PTPN14: variants seen among roughly 807,000 people sequenced by gnomAD.
The protein encoded by PTPN14 is protein tyrosine phosphatase non-receptor type 14.
A neutral mutation model predicts 126.8 loss-of-function variants in PTPN14; 53 were observed. That is an observed-to-expected ratio of 0.42 (90% CI 0.34 to 0.53). The LOEUF (loss-of-function observed/expected upper bound fraction) is 0.53, where lower values mean the gene tolerates loss of function less well. Among genes scored for constraint, PTPN14 ranks in the 20% least tolerant of loss-of-function variants. The probability of loss-of-function intolerance (pLI) is 0.08; values close to 1 mark genes in which losing one functional copy is unlikely to be tolerated. For missense variants in PTPN14, 1,257 were observed against 1,552.9 expected (o/e 0.81, Z 3.20); for synonymous variants, 630 against 599.3 (o/e 1.05, Z -0.75).
chr1:214,492,907 A>T (rs1347519991), intron 1 of PTPN14, among the ~76,000 whole-genome samples: 1 of 152,098 alleles, frequency 6.6e-6, no homozygotes, highest in African/African-American at 2.4e-5. Context: ...CAAAGAAAAA[A>T]AAAAAAAAAA....
At chr1:214,514,789 G>C (rs1332471700) in intron 1 of PTPN14, among the ~76,000 whole-genome samples, 1 of 152,164 alleles carries the variant, frequency 6.6e-6, no homozygotes, top group Non-Finnish European at 1.5e-5. Flanking sequence ...GAGACTTGCA[G>C]TGTGCCCTCC....
intron 1 of PTPN14, among the ~76,000 whole-genome samples, chr1:214,475,729 A>G (rs1660853020): frequency 6.6e-6 from 1 of 151,980 alleles, no homozygotes. Context: ...GCTGAGCACA[A>G]TCTCAACACC....
chr1:214,392,065 G>A (rs576426092), intron 10 of PTPN14, among the ~76,000 whole-genome samples: 7 of 152,176 alleles, frequency 4.6e-5, no homozygotes, highest in Non-Finnish European at 1.0e-4. Context: ...GAAGGATGCT[G>A]CTGTGCATGC....
At chr1:214,443,648 A>C (rs575195649) in intron 3 of PTPN14, among the ~76,000 whole-genome samples, 2 of 152,208 alleles carry the variant, frequency 1.3e-5, no homozygotes, top group East Asian at 3.9e-4. Context: ...TGGTTACTTA[A>C]TTTGCAGAGT....
At chr1:214,462,141 C>A (rs563234858) in intron 2 of PTPN14, among the ~76,000 whole-genome samples, 1 of 152,066 alleles carries the variant, frequency 6.6e-6, no homozygotes, top group African/African-American at 2.4e-5. Context: ...GTGATTTGGT[C>A]GAATGCGGAT....
chr1:214,402,663 A>G (rs7412915), intron 6 of PTPN14, among the ~76,000 whole-genome samples: 46 of 2,020 alleles, frequency 0.023, 1 homozygote, highest in South Asian at 0.17. Flanking sequence ...GGAAGGAAGG[A>G]AGGAAGGAAG....
At chr1:214,374,611 G>A (rs1658298225) in intron 15 of PTPN14, among the ~76,000 whole-genome samples, 1 of 152,206 alleles carries the variant, frequency 6.6e-6, no homozygotes, top group Non-Finnish European at 1.5e-5. Flanking sequence ...ACGGCTGCTT[G>A]GAACCCAGGG....
At chr1:214,393,071 G>A (rs1658795377) in intron 10 of PTPN14, among the ~76,000 whole-genome samples, 1 of 152,166 alleles carries the variant, frequency 6.6e-6, no homozygotes, top group Non-Finnish European at 1.5e-5. Context: ...GCCCCAGCAC[G>A]CTCCATCTGA....
At chr1:214,398,743 G>A (rs890650751) in intron 7 of PTPN14, among the ~76,000 whole-genome samples, 6 of 143,364 alleles carry the variant, frequency 4.2e-5, no homozygotes, top group African/African-American at 1.3e-4. Context: ...ACAATGTACT[G>A]TATTCTTGAA....
At chr1:214,381,585 G>A (rs1658473674) in intron 13 of PTPN14, among the ~76,000 whole-genome samples, 1 of 152,194 alleles carries the variant, frequency 6.6e-6, no homozygotes, top group Admixed American at 6.5e-5. Context: ...ATGTTCTTAA[G>A]GTTTTCCAAA....
chr1:214,450,141 T>TAAAG (rs1660240922), intron 3 of PTPN14, among the ~76,000 whole-genome samples: 1 of 129,564 alleles, frequency 7.7e-6, no homozygotes, highest in African/African-American at 3.4e-5. Context: ...TCAAAATAAA[T>TAAAG]AAATAAATAA....
intron 2 of PTPN14, among the ~76,000 whole-genome samples, chr1:214,452,586 G>A (rs539443596): frequency 6.6e-6 from 1 of 152,130 alleles, no homozygotes; most frequent in African/African-American, 2.4e-5. Context: ...AGGAAGGATC[G>A]CCTCCTCACA....
intron 1 of PTPN14, among the ~76,000 whole-genome samples, chr1:214,489,882 C>T (rs1203264595): frequency 6.6e-6 from 1 of 152,188 alleles, no homozygotes; most frequent in East Asian, 1.9e-4. Context: ...ATTTATTTAA[C>T]CTCTCTAAGC....
intron 1 of PTPN14, among the ~76,000 whole-genome samples, chr1:214,486,238 T>C (rs1661109862): frequency 6.6e-6 from 1 of 152,144 alleles, no homozygotes; most frequent in Non-Finnish European, 1.5e-5. Flanking sequence ...AAACTGTACA[T>C]ATGTTATCTC....
At chr1:214,539,184 A>G (rs1655779712) in intron 1 of PTPN14, among the ~76,000 whole-genome samples, 1 of 152,220 alleles carries the variant, frequency 6.6e-6, no homozygotes, top group South Asian at 2.1e-4. Context: ...TGTCTTCTCT[A>G]TCCAGGTAAC....
At chr1:214,462,470 G>A (rs1196042771) in intron 2 of PTPN14, among the ~76,000 whole-genome samples, 1 of 152,122 alleles carries the variant, frequency 6.6e-6, no homozygotes, top group Non-Finnish European at 1.5e-5. Context: ...TTGGATCTTT[G>A]ATAATCCAGT....
At chr1:214,435,290 T>C (rs1659887325) in intron 3 of PTPN14, among the ~76,000 whole-genome samples, 1 of 151,934 alleles carries the variant, frequency 6.6e-6, no homozygotes. Context: ...AAAATGCAAG[T>C]ATCACAGAGC....
At chr1:214,460,524 AAC>A (rs10522279) in intron 2 of PTPN14, among the ~76,000 whole-genome samples, 12,454 of 132,488 alleles carry the variant, frequency 0.094, 567 homozygotes, top group South Asian at 0.12. Context: ...TGAAAATTCC[AAC>A]ACACACACAC....
intron 7 of PTPN14, 42 bp downstream of exon 7, chr1:214,401,643 G>C: frequency 6.9e-7 from 1 of 1,456,622 alleles, no homozygotes; most frequent in Non-Finnish European, 9.4e-7. Flanking sequence ...TGCCAGTACC[G>C]GTCTGAGAAG....
Sources: gnomAD v4.1 joint callset for allele counts (sites outside exome capture counted in the v4.1 genomes callset) on GRCh38, gnomAD v4.1.1 for gene constraint, MANE v1.5 for transcripts, NCBI Gene and HGNC (gene_info 2026-07-23, HGNC 2026-07-21) for gene names.